Variants in SPOCK1 observed in about 807,000 individuals in gnomAD.
The protein encoded by SPOCK1 is SPARC (osteonectin), cwcv and kazal like domains proteoglycan 1, also known as testican-1.
A neutral mutation model predicts 55.3 loss-of-function variants in SPOCK1; 23 were observed. The observed-to-expected ratio is 0.42, with a 90% CI of 0.30 to 0.59. SPOCK1 has a LOEUF of 0.59. SPOCK1 is among the 20% of genes least tolerant of loss of function. The probability of loss-of-function intolerance (pLI) is 0.22; values close to 1 mark genes in which losing one functional copy is unlikely to be tolerated. For synonymous variants in SPOCK1, 226 were observed against 221.0 expected (o/e 1.02, Z -0.20); for missense variants, 499 against 552.5 (o/e 0.90, Z 0.97).
At chr5:137,360,310 C>T (rs1449724265) in intron 2 of SPOCK1, among the ~76,000 whole-genome samples, 1 of 152,134 alleles carries the variant, frequency 6.6e-6, no homozygotes, top group Non-Finnish European at 1.5e-5. Flanking sequence ...GTTGTGTCAC[C>T]TCACATCTTA....
chr5:137,461,691 G>C (rs1213774970), intron 2 of SPOCK1, among the ~76,000 whole-genome samples: 3 of 152,170 alleles, frequency 2.0e-5, no homozygotes, highest in Non-Finnish European at 4.4e-5. Flanking sequence ...GAAAAGCAGA[G>C]CTGCCTTTTA....
intron 3 of SPOCK1, among the ~76,000 whole-genome samples, chr5:137,214,331 C>G (rs919075541): frequency 6.6e-6 from 1 of 152,134 alleles, no homozygotes; most frequent in Non-Finnish European, 1.5e-5. Context: ...TTGTCTGAAT[C>G]AAATACAGAG....
chr5:137,163,315 T>A (rs1205039093), intron 3 of SPOCK1, among the ~76,000 whole-genome samples: 1 of 152,180 alleles, frequency 6.6e-6, no homozygotes, highest in African/African-American at 2.4e-5. Context: ...AGAGGTGGCG[T>A]GGCTGCCAGG....
At position 137,254,567 on chromosome 5, in the gene SPOCK1, A is replaced by T. The variant is rs182887452; in HGVS notation, c.232+12443T>A. Among the ~76,000 whole-genome samples the T allele has an allele frequency of 5.9e-5, 9 of 152,364 alleles. No individual in the cohort carries two copies. In the East Asian group the frequency reaches 1.7e-3, roughly 29 times the overall value. On this transcript the variant is annotated intron_variant, in intron 3 of 10. Coordinates refer to ENST00000394945, the MANE Select transcript of SPOCK1 (RefSeq NM_004598.4). ...TTTTATTGAGCACATCAGCATCCATACGCGTTTGAGAAACATATGTAAATA... is the reference window on the plus strand; with the variant it reads ...TTTTATTGAGCACATCAGCATCCATTCGCGTTTGAGAAACATATGTAAATA...
intron 5 of SPOCK1, among the ~76,000 whole-genome samples, chr5:137,076,833 A>T (rs1752776522): frequency 6.6e-6 from 1 of 152,212 alleles, no homozygotes; most frequent in Non-Finnish European, 1.5e-5. Flanking sequence ...GATTAAGAGC[A>T]GGTGTTAATA....
At chr5:137,286,008 C>T (rs1399338014) in intron 2 of SPOCK1, among the ~76,000 whole-genome samples, 1 of 152,192 alleles carries the variant, frequency 6.6e-6, no homozygotes, top group African/African-American at 2.4e-5. Flanking sequence ...CTGGCCTCAG[C>T]TGGAGCAGGC....
intron 6 of SPOCK1, among the ~76,000 whole-genome samples, chr5:137,024,432 AAGG>A (rs1224886221): frequency 6.6e-6 from 1 of 152,076 alleles, no homozygotes; most frequent in African/African-American, 2.4e-5. Context: ...TTCAGAATAA[AAGG>A]AGCACCAACC....
chr5:137,464,260 C>T (rs1233337671), intron 2 of SPOCK1, among the ~76,000 whole-genome samples: 1 of 152,096 alleles, frequency 6.6e-6, no homozygotes, highest in Non-Finnish European at 1.5e-5. Context: ...CATGATCATG[C>T]CACTGTACTC....
intron 7 of SPOCK1, among the ~76,000 whole-genome samples, chr5:136,990,163 G>A (rs1418462766): frequency 6.6e-6 from 1 of 152,042 alleles, no homozygotes; most frequent in African/African-American, 2.4e-5. Context: ...ACCTGTCTTG[G>A]CCTCCCAAAG....
chr5:137,002,943 G>C (rs927291782), intron 6 of SPOCK1, among the ~76,000 whole-genome samples: 6 of 152,186 alleles, frequency 3.9e-5, no homozygotes, highest in Admixed American at 6.5e-5. Context: ...GTCAGTGAAG[G>C]CTTCCTGGAG....
intron 2 of SPOCK1, among the ~76,000 whole-genome samples, chr5:137,441,380 C>G (rs899291822): frequency 6.6e-6 from 1 of 152,200 alleles, no homozygotes; most frequent in African/African-American, 2.4e-5. Context: ...CTTTCTCCAG[C>G]CTTGGTGTTC....
chr5:137,250,134 CA>C (rs1756480876), intron 3 of SPOCK1, among the ~76,000 whole-genome samples: 1 of 152,148 alleles, frequency 6.6e-6, no homozygotes, highest in Non-Finnish European at 1.5e-5. Flanking sequence ...TTATGAAATT[CA>C]AATTTCAGTT....
intron 2 of SPOCK1, among the ~76,000 whole-genome samples, chr5:137,417,944 T>G (rs903173026): frequency 1.3e-5 from 2 of 152,188 alleles, no homozygotes; most frequent in African/African-American, 4.8e-5. Context: ...CCTAATGCTA[T>G]TCCTCCCCCC....
intron 5 of SPOCK1, among the ~76,000 whole-genome samples, chr5:137,072,496 A>G (rs1752639982): frequency 6.6e-6 from 1 of 152,348 alleles, no homozygotes; most frequent in East Asian, 1.9e-4. Context: ...CAAAATGTTG[A>G]CCTACTTAAA....
At chr5:137,229,986 ACAATGAAGGCAGCCTTTGGC>A (rs1756018589) in intron 3 of SPOCK1, among the ~76,000 whole-genome samples, 1 of 152,164 alleles carries the variant, frequency 6.6e-6, no homozygotes, top group Non-Finnish European at 1.5e-5. Context: ...TAGAGTAGTG[ACAATGAAGGCAGCCTTTGGC>A]CAATGAAGGA....
At chr5:137,380,549 C>T (rs1751441453) in intron 2 of SPOCK1, among the ~76,000 whole-genome samples, 1 of 152,216 alleles carries the variant, frequency 6.6e-6, no homozygotes, top group Admixed American at 6.5e-5. Context: ...TAACAGGAAA[C>T]ATGACTAGGA....
At chr5:137,075,335 A>G (rs1752736174) in intron 5 of SPOCK1, among the ~76,000 whole-genome samples, 1 of 152,024 alleles carries the variant, frequency 6.6e-6, no homozygotes, top group African/African-American at 2.4e-5. Context: ...TGCCACTCTC[A>G]GGTGTTGCAG....
intron 6 of SPOCK1, among the ~76,000 whole-genome samples, chr5:137,026,705 A>G (rs201259320): frequency 3.9e-5 from 6 of 152,208 alleles, no homozygotes; most frequent in Admixed American, 3.9e-4. Flanking sequence ...TTCAATATCC[A>G]GAAGAATCCA....
At chr5:137,424,323 G>C (rs1580919488) in intron 2 of SPOCK1, among the ~76,000 whole-genome samples, 2 of 152,226 alleles carry the variant, frequency 1.3e-5, no homozygotes, top group East Asian at 3.8e-4. Context: ...TGAGGCTGCA[G>C]CAAGTTATGA....
Sources: gnomAD v4.1 joint callset for allele counts (sites outside exome capture counted in the v4.1 genomes callset) on GRCh38, gnomAD v4.1.1 for gene constraint, MANE v1.5 for transcripts, NCBI Gene and HGNC (gene_info 2026-07-23, HGNC 2026-07-21) for gene names.